APOL2: variants seen among roughly 807,000 people sequenced by gnomAD.
APOL2 encodes the protein apolipoprotein L2, also known as apolipoprotein L, 2.
APOL2 carries 8 observed loss-of-function variants against 7.1 expected under a neutral mutation model. That is an observed-to-expected ratio of 1.12 (90% CI 0.66 to 2.03). The LOEUF is 2.03. Among genes scored for constraint, APOL2 ranks in the 30% most tolerant of loss-of-function variants. The pLI is 0.00. For missense variants in APOL2, 471 were observed against 415.1 expected, an observed-to-expected ratio of 1.13 and a Z score of -1.17; for synonymous variants, 177 against 159.9, an observed-to-expected ratio of 1.11 and a Z score of -0.81.
chr22:36,227,773 T>G lies in APOL2; in HGVS notation c.645A>C (p.Gln215His), dbSNP rs2015063321. The G allele has an allele frequency of 1.2e-6, 2 of 1,614,248 alleles. No homozygotes were observed. Among genetic ancestry groups the G allele is most frequent in the Non-Finnish European group, 1.7e-6 (2 of 1,180,042 alleles). ...TGTTCCTCCCAATCCCTTGTGTGAC[T>G]TGGTACCAATTGTCAACTAAGGTAA... ...NVLTLVDNWY[Q>H]VTQGIGRNIR... The change falls in exon 5 of 5, where the codon CAA (glutamine) becomes CAC (histidine). Residue 215 changes from glutamine to histidine, a missense_variant. Coordinates refer to ENST00000358502, the MANE Select transcript of APOL2 (RefSeq NM_030882.4).
chr22:36,233,279 A>G (rs973561874), intron 2 of APOL2, 38 bp from the exon 3 acceptor site: 1 of 1,611,200 alleles, frequency 6.2e-7, no homozygotes, highest in Middle Eastern at 1.7e-4. Flanking sequence ...ATCGAAGGTG[A>G]GCCTCCTGTG....
At chr22:36,236,877 A>G in intron 1 of APOL2, 11 of 1,266,258 alleles carry the variant, frequency 8.7e-6, no homozygotes, top group Admixed American at 4.0e-5. Flanking sequence ...GCATCTGGAC[A>G]CTTCTTGCTG....
chr22:36,231,773 A>G (rs2015234214), intron 3 of APOL2, among the ~76,000 whole-genome samples: 1 of 152,236 alleles, frequency 6.6e-6, no homozygotes, highest in Admixed American at 6.5e-5. Context: ...AAAGAGAAAC[A>G]ATAAGGCCAG....
chr22:36,227,755 C>T lies in APOL2; in HGVS notation c.663G>A (p.Gly221=), dbSNP rs761384123. The change falls in exon 5 of 5, where the codon GGG becomes GGA. Residue 221 remains glycine (G), a synonymous_variant. Coordinates refer to ENST00000358502, the MANE Select transcript of APOL2 (RefSeq NM_030882.4). ...DNWYQVTQGI[G]RNIRAIRRAR... Reference sequence around the variant, plus strand: ...CTCGTCTGATGGCACGGATGTTCCTCCCAATCCCTTGTGTGACTTGGTACC... The same window carrying T: ...CTCGTCTGATGGCACGGATGTTCCTTCCAATCCCTTGTGTGACTTGGTACC... 1.9e-6 allele frequency: 3 copies of T among 1,614,236 alleles called. No homozygotes were observed. The highest frequency in any genetic ancestry group is 4.5e-5 in the East Asian group (2 of 44,896).
At position 36,233,145 on chromosome 22, in the gene APOL2, G is replaced by A. The variant is rs377681482; in HGVS notation, c.10+8C>T. 9 of 1,613,728 alleles carry A rather than the reference G, an allele frequency of 5.6e-6. No homozygotes were observed. In the African/African-American group the frequency reaches 8.0e-5, roughly 14 times the overall value. On this transcript the variant is annotated splice_region_variant and intron_variant, in intron 3 of 4. Transcript: ENST00000358502. ...AGGAACTAGCCAGGAAAGAGGAAGC[G>A]AGCCTACCTGGGTTCATGGTGCCAG...
intron 4 of APOL2, among the ~76,000 whole-genome samples, chr22:36,230,093 C>G (rs139905538): frequency 6.6e-6 from 1 of 152,260 alleles, no homozygotes; most frequent in African/African-American, 2.4e-5. Context: ...ACTCAAGACA[C>G]TTTCAGAACC....
chr22:36,229,020 C>G (rs1377423792), intron 4 of APOL2, among the ~76,000 whole-genome samples: 1 of 152,214 alleles, frequency 6.6e-6, no homozygotes, highest in African/African-American at 2.4e-5. Context: ...TTCAGAGCTT[C>G]TTCTCCACTA....
rs200674632 is a variant in APOL2 at position 36,227,430 on chromosome 22, T to G, written c.988A>C (p.Met330Leu). The G allele has an allele frequency of 4.1e-5, 66 of 1,606,742 alleles. No individual in the cohort carries two copies. In the Admixed American group the frequency reaches 4.2e-4, roughly 10 times the overall value. Reference protein sequence around the residue: ...KLNFLTKIHEMLQPGQDQ With the variant: ...KLNFLTKIHELLQPGQDQ ...CATTGGTCTTGGCCTGGCTGCAGCA[T>G]CTCATGGATCTTGGTGAGAAAGTTG... The change falls in exon 5 of 5, where the codon ATG becomes CTG. Residue 330 changes from methionine (M) to leucine (L), a missense_variant. Met to Leu is a conservative substitution (Grantham distance 15). Coordinates refer to ENST00000358502, the MANE Select transcript of APOL2 (RefSeq NM_030882.4).
chr22:36,239,484 T>C lies in APOL2; in HGVS notation c.-177A>G. The C allele has an allele frequency of 6.3e-7, 1 of 1,583,592 alleles. No homozygotes were observed. Among genetic ancestry groups the C allele is most frequent in the Non-Finnish European group, 8.5e-7 (1 of 1,171,586 alleles). ...CAGAGACTGAGCAAGATCCAACTGTTCTGAGCTGTGTGGATCCCACGTCCA... is the reference window on the plus strand; with the variant it reads ...CAGAGACTGAGCAAGATCCAACTGTCCTGAGCTGTGTGGATCCCACGTCCA... On this transcript the variant is annotated 5_prime_UTR_variant, in exon 1 of 5. Coordinates refer to ENST00000358502, the MANE Select transcript of APOL2 (RefSeq NM_030882.4).
At chr22:36,236,963 A>C (rs1045506904) in intron 1 of APOL2, 1 of 1,359,208 alleles carries the variant, frequency 7.4e-7, no homozygotes, top group Middle Eastern at 2.4e-4. Context: ...ACCCTAGGCC[A>C]GGGGAGCTGT....
At chr22:36,233,554 C>T (rs2015304170) in intron 1 of APOL2, 99 bp from the exon 2 acceptor site, 2 of 1,104,462 alleles carry the variant, frequency 1.8e-6, no homozygotes. Flanking sequence ...TGGGAGGGAA[C>T]ATTCTGACAA....
intron 4 of APOL2, among the ~76,000 whole-genome samples, chr22:36,231,005 T>C (rs1251799996): frequency 6.6e-6 from 1 of 152,244 alleles, no homozygotes; most frequent in African/African-American, 2.4e-5. Flanking sequence ...GTCATTATGC[T>C]AAGCACTTTA....
At chr22:36,238,950 A>G (rs932337009) in intron 1 of APOL2, among the ~76,000 whole-genome samples, 7 of 152,304 alleles carry the variant, frequency 4.6e-5, no homozygotes, top group Non-Finnish European at 7.4e-5. Context: ...TGAGTGAGAC[A>G]ACCTCTGAGT....
intron 1 of APOL2, 66 bp from the exon 2 acceptor site, chr22:36,233,521 G>T: frequency 7.2e-7 from 1 of 1,397,768 alleles, no homozygotes. Flanking sequence ...AGAAACTACA[G>T]AGTCTATACA....
chr22:36,231,512 A>G, intron 3 of APOL2, 46 bp from the exon 4 acceptor site: 1 of 1,591,524 alleles, frequency 6.3e-7, no homozygotes, highest in Non-Finnish European at 8.6e-7. Context: ...AGTGTAGGGG[A>G]GCATAACAGC....
At chr22:36,239,581 G>C (rs2015533975), upstream of APOL2, 1 of 1,439,272 alleles carries the variant, frequency 6.9e-7, no homozygotes, top group African/African-American at 1.4e-5. Flanking sequence ...GAAAGGGAAA[G>C]TGAAAGTCAC....
At chr22:36,231,251 G>C in intron 4 of APOL2, 89 bp downstream of exon 4, 1 of 1,528,908 alleles carries the variant, frequency 6.5e-7, no homozygotes. Context: ...GCTGCCTGGA[G>C]GAGGTGTGCC....
rs771159886 is a variant in APOL2, at chr22:36,239,463, G to C, written c.-156C>G. 2.5e-6 allele frequency: 4 copies of C among 1,569,420 alleles called. No homozygotes were observed. The highest frequency in any genetic ancestry group is 3.4e-6 in the Non-Finnish European group (4 of 1,164,166). ...TACCAAGGGATCTTCCTCTGACAGAGACTGAGCAAGATCCAACTGTTCTGA... is the reference window on the plus strand; with the variant it reads ...TACCAAGGGATCTTCCTCTGACAGACACTGAGCAAGATCCAACTGTTCTGA... On this transcript the variant is annotated 5_prime_UTR_variant, in exon 1 of 5. Transcript: ENST00000358502.
At chr22:36,237,084 G>T in intron 1 of APOL2, 1 of 1,532,126 alleles carries the variant, frequency 6.5e-7, no homozygotes, top group South Asian at 1.2e-5. Flanking sequence ...GTGAGGAGCT[G>T]CATCCAGGAT....
Sources: allele counts gnomAD v4.1 joint callset (sites outside exome capture counted in the v4.1 genomes callset), GRCh38; gene constraint gnomAD v4.1.1; transcripts MANE v1.5; gene names NCBI Gene and HGNC (gene_info 2026-07-23, HGNC 2026-07-21).